Variants in NPTX2 observed in about 807,000 individuals in gnomAD.
The protein encoded by NPTX2 is neuronal pentraxin 2.
A neutral mutation model predicts 38.1 loss-of-function variants in NPTX2; 23 were observed. The ratio of observed to expected loss-of-function variants is 0.60; its 90% confidence interval spans 0.43 to 0.85. The LOEUF is 0.85. Ranked by LOEUF, NPTX2 falls within the 40% of genes least tolerant of loss-of-function variation. The pLI is 0.00. For synonymous variants in NPTX2, 291 were observed against 287.3 expected (o/e 1.01, Z -0.13); for missense variants, 553 against 615.3 (o/e 0.90, Z 1.07).
chr7:98,628,437 A>G lies in NPTX2; in HGVS notation c.1104A>G (p.Ala368=). The change falls in exon 5 of 5, where the codon GCA becomes GCG. Residue 368 remains alanine (A), a synonymous_variant. Coordinates refer to ENST00000265634, the MANE Select transcript of NPTX2 (RefSeq NM_002523.3). ...GGGGTAGGTTTGATGCCACTCAGGCATTTGTCGGGGAGCTCAGCCAGTTCA... is the reference window on the plus strand; with the variant it reads ...GGGGTAGGTTTGATGCCACTCAGGCGTTTGTCGGGGAGCTCAGCCAGTTCA... ...TVGGRFDATQ[A]FVGELSQFNI... The G allele has an allele frequency of 6.2e-7, 1 of 1,610,598 alleles. No homozygotes were observed. Among genetic ancestry groups the G allele is most frequent in the Non-Finnish European group, 8.5e-7 (1 of 1,177,760 alleles).
intron 4 of NPTX2, among the ~76,000 whole-genome samples, chr7:98,627,622 G>A (rs909005240): frequency 1.3e-5 from 2 of 152,226 alleles, no homozygotes; most frequent in Non-Finnish European, 2.9e-5. Context: ...GCAGGGACCA[G>A]GTGGGTGTGT....
At chr7:98,620,016 C>T in intron 2 of NPTX2, 157 bp downstream of exon 2, 1 of 679,128 alleles carries the variant, frequency 1.5e-6, no homozygotes. Context: ...TGAACAAGGT[C>T]ATCTCAGGAA....
Position 98,617,358 on chromosome 7 carries a change from C to G in NPTX2, c.-104C>G. 3.2e-6 allele frequency: 1 copy of G among 309,942 alleles called. No homozygotes were observed. The highest frequency in any genetic ancestry group is 5.8e-6 in the Non-Finnish European group (1 of 173,620). The allele number at this position is 309,942 out of a possible 1,614,324, so 19.2% of individuals were successfully genotyped here. ...TCTGCCCCGCGGTGCACGCGACCCT[C>G]GAGACGACAGCGCGGCTACTGCCAG... On this transcript the variant is annotated 5_prime_UTR_variant, in exon 1 of 5. Coordinates refer to ENST00000265634, the MANE Select transcript of NPTX2 (RefSeq NM_002523.3).
In NPTX2 at chr7:98,617,513, C is replaced by A. The variant is rs1441754734; in HGVS notation, c.52C>A (p.Gln18Lys). The A allele has an allele frequency of 2.2e-5, 31 of 1,378,502 alleles. No individual in the cohort carries two copies. Among genetic ancestry groups the A allele is most frequent in the Admixed American group, 6.5e-5 (2 of 30,848 alleles). The allele number at this position is 1,378,502 out of a possible 1,614,324, so 85.4% of individuals were successfully genotyped here. Residue 18 changes from glutamine to lysine, a missense_variant, in exon 1 of 5, where the codon CAG (glutamine) becomes AAG (lysine). Transcript: ENST00000265634. ...GGCGCTCGCCGTGGCCGCTGGGGCC[C>A]AGGACAGCCCGGCGCCCGGTAGCCG... ...SVALAVAAGA[Q>K]DSPAPGSRFV...
rs911235418 is a variant in NPTX2, at chr7:98,619,517, C to T, written c.427-126C>T. Reference sequence around the variant, plus strand: ...CATCAGTGAGATGCTCCCCTGCCTGCCAGTGGCAAGATTCAGGGCTTGCGT... The same window carrying T: ...CATCAGTGAGATGCTCCCCTGCCTGTCAGTGGCAAGATTCAGGGCTTGCGT... On this transcript the variant is annotated intron_variant, in intron 1 of 4. Transcript: ENST00000265634. 7 of 730,310 alleles carry T rather than the reference C, an allele frequency of 9.6e-6. No homozygotes were observed. In the African/African-American group the frequency reaches 1.2e-4, roughly 13 times the overall value. 45.2% of individuals were successfully genotyped at this position (730,310 alleles called of 1,614,324 possible). A position where few individuals can be genotyped will look rare whatever the true frequency, so the allele number is the denominator to read the frequency against.
chr7:98,620,047 C>T (rs1791249394), intron 2 of NPTX2, 188 bp downstream of exon 2: 2 of 616,802 alleles, frequency 3.2e-6, no homozygotes, highest in Non-Finnish European at 2.9e-6. Context: ...GCCCCACTGG[C>T]ATTATCCAGG....
chr7:98,617,900 G>C lies in NPTX2; in HGVS notation c.426+13G>C, dbSNP rs113061173. On this transcript the variant is annotated intron_variant, in intron 1 of 4. Coordinates refer to ENST00000265634, the MANE Select transcript of NPTX2 (RefSeq NM_002523.3). ...GGAGAGCCTCGAGGTAGCGGCCCGCGGGGAGCGCGGGGGACCTGGAATGGG... is the reference window on the plus strand; with the variant it reads ...GGAGAGCCTCGAGGTAGCGGCCCGCCGGGAGCGCGGGGGACCTGGAATGGG... 5.0e-5 allele frequency: 77 copies of C among 1,540,986 alleles called. No homozygotes were observed. The South Asian group carries it at 8.7e-4, about 18-fold the overall frequency.
At chr7:98,623,259 T>G (rs1027808400) in intron 2 of NPTX2, among the ~76,000 whole-genome samples, 4 of 152,202 alleles carry the variant, frequency 2.6e-5, no homozygotes, top group African/African-American at 9.6e-5. Flanking sequence ...GGGCCGCCTT[T>G]GCCATGACAG....
At chr7:98,627,768 G>C (rs1330145026) in intron 4 of NPTX2, among the ~76,000 whole-genome samples, 1 of 152,176 alleles carries the variant, frequency 6.6e-6, no homozygotes, top group Admixed American at 6.5e-5. Flanking sequence ...GATGCTCATG[G>C]TACCAACTCA....
Position 98,628,588 on chromosome 7 carries a change from T to A in NPTX2, c.1255T>A (p.Trp419Arg), listed in dbSNP as rs755366649. 6.3e-7 allele frequency: 1 copy of A among 1,598,702 alleles called. No individual in the cohort carries two copies. The highest frequency in any genetic ancestry group is 8.5e-7 in the Non-Finnish European group (1 of 1,170,004). ...CGATGTGTTCGGAGGGGCCTCCAAG[T>A]GGCCCGTGGAGACGTGTGAGGAGCG... ...NVDVFGGASK[W>R]PVETCEERLL... is the part of the protein sequence containing the mutation. The change falls in exon 5 of 5, where the codon TGG becomes AGG. Residue 419 changes from tryptophan (W) to arginine (R), a missense_variant. Physicochemically the swap from Trp to Arg is moderately radical, Grantham distance 101. Transcript: ENST00000265634.
chr7:98,624,978 A>G lies in NPTX2; in HGVS notation c.700A>G (p.Asn234Asp). ...CAAGGTGTCCCTCCCACTCCGCACAAACTACCTATACGGCAAGATCAAGAA... is the reference window on the plus strand; with the variant it reads ...CAAGGTGTCCCTCCCACTCCGCACAGACTACCTATACGGCAAGATCAAGAA... The part of the protein sequence containing the change: ...AFKVSLPLRT[N>D]YLYGKIKKTL... The change falls in exon 3 of 5, where the codon AAC becomes GAC. Residue 234 changes from asparagine to aspartate, a missense_variant. Physicochemically the swap from Asn to Asp is conservative, Grantham distance 23. Transcript: ENST00000265634. The G allele has an allele frequency of 1.2e-6, 2 of 1,613,878 alleles. No homozygotes were observed. The highest frequency in any genetic ancestry group is 2.2e-5 in the South Asian group (2 of 91,070).
chr7:98,623,675 G>T (rs1318893799), intron 2 of NPTX2, among the ~76,000 whole-genome samples: 1 of 152,162 alleles, frequency 6.6e-6, no homozygotes, highest in Admixed American at 6.5e-5. Flanking sequence ...GTCAAGACCC[G>T]GGAGCCTGAC....
intron 2 of NPTX2, 23 bp from the exon 3 acceptor site, chr7:98,624,899 C>T (rs1018069979): frequency 2.5e-6 from 4 of 1,599,142 alleles, no homozygotes; most frequent in Non-Finnish European, 3.4e-6. Context: ...GCACTCCTGG[C>T]CTCTCTTCCT....
At chr7:98,625,471 G>T (rs893440938) in intron 3 of NPTX2, among the ~76,000 whole-genome samples, 1 of 152,190 alleles carries the variant, frequency 6.6e-6, no homozygotes, top group African/African-American at 2.4e-5. Context: ...GAGGACCTCA[G>T]GCCGGTCAGT....
At chr7:98,620,082 G>A in intron 2 of NPTX2, 1 of 579,460 alleles carries the variant, frequency 1.7e-6, no homozygotes, top group Non-Finnish European at 3.1e-6. Flanking sequence ...TCCAGGACCA[G>A]CTTCGATAAG....
At chr7:98,624,673 C>T (rs1791318028) in intron 2 of NPTX2, among the ~76,000 whole-genome samples, 2 of 152,164 alleles carry the variant, frequency 1.3e-5, no homozygotes, top group African/African-American at 2.4e-5. Context: ...CTGCTGGTTT[C>T]ATGTCACCTT....
intron 3 of NPTX2, among the ~76,000 whole-genome samples, chr7:98,626,409 G>A (rs1457760381): frequency 1.3e-5 from 2 of 151,836 alleles, no homozygotes; most frequent in African/African-American, 4.8e-5. Context: ...TTTAAAAAAC[G>A]CTGTGGCATC....
chr7:98,618,569 T>TCCCCCCCCCCCC (rs145792464), intron 1 of NPTX2, among the ~76,000 whole-genome samples: 1 of 30,094 alleles, frequency 3.3e-5, no homozygotes, highest in African/African-American at 1.6e-4. Flanking sequence ...TCTCTCTCTC[T>TCCCCCCCCCCCC]CCCCCCCTCC....
intron 1 of NPTX2, 68 bp downstream of exon 1, chr7:98,617,955 G>T (rs1791201213): frequency 6.8e-7 from 1 of 1,476,560 alleles, no homozygotes; most frequent in Non-Finnish European, 9.0e-7. Context: ...CGGAAGACTC[G>T]GGAGGATGGG....
Sources: gnomAD v4.1 joint callset for allele counts (sites outside exome capture counted in the v4.1 genomes callset) on GRCh38, gnomAD v4.1.1 for gene constraint, MANE v1.5 for transcripts, NCBI Gene and HGNC (gene_info 2026-07-23, HGNC 2026-07-21) for gene names.